Variants in TMEM223 observed in about 807,000 individuals in gnomAD.
TMEM223 encodes the protein transmembrane protein 223.
A neutral mutation model predicts 14.1 loss-of-function variants in TMEM223; 14 were observed. The observed-to-expected ratio is 0.99, with a 90% CI of 0.66 to 1.55. The LOEUF is 1.55. Ranked by LOEUF, TMEM223 falls within the 40% of genes most tolerant of loss-of-function variation. The pLI, the probability that TMEM223 is intolerant of heterozygous loss-of-function variation, is 0.00. For missense variants in TMEM223, 346 were observed against 269.9 expected (o/e 1.28, Z -1.97); for synonymous variants, 145 against 120.5 (o/e 1.20, Z -1.33).
At chr11:62,775,286 T>G (rs372516586) in intron 1 of TMEM223, among the ~76,000 whole-genome samples, 31 of 152,112 alleles carry the variant, frequency 2.0e-4, no homozygotes, top group Admixed American at 3.3e-4. Flanking sequence ...GAGAACAGCA[T>G]GGGGGAAAAT....
At chr11:62,785,148 TTGAG>T (rs1469348467), downstream of TMEM223, among the ~76,000 whole-genome samples, 3 of 151,998 alleles carry the variant, frequency 2.0e-5, no homozygotes, top group Non-Finnish European at 4.4e-5. Context: ...TATCTTTTTC[TTGAG>T]TGTCTGTAGA....
chr11:62,781,662 CAAA>C, intron 1 of TMEM223: 9 of 314,074 alleles, frequency 2.9e-5, no homozygotes, highest in Admixed American at 9.9e-5. Flanking sequence ...GACTCGGTCT[CAAA>C]AAAAAAAAAA....
chr11:62,784,710 T>C (rs2084257680), downstream of TMEM223, among the ~76,000 whole-genome samples: 2 of 152,244 alleles, frequency 1.3e-5, no homozygotes, highest in South Asian at 4.1e-4. Context: ...TTTCCAATGT[T>C]ATTACAGATT....
At chr11:62,784,763 C>G (rs2084258044), downstream of TMEM223, among the ~76,000 whole-genome samples, 1 of 152,136 alleles carries the variant, frequency 6.6e-6, no homozygotes, top group Non-Finnish European at 1.5e-5. Context: ...ATACACTAAA[C>G]TATGTCATGG....
At chr11:62,772,293 A>G (rs943434882) in intron 2 of TMEM223, among the ~76,000 whole-genome samples, 8 of 150,364 alleles carry the variant, frequency 5.3e-5, no homozygotes, top group Non-Finnish European at 8.9e-5. Flanking sequence ...AGGCCGAGGC[A>G]CCTGGATTGC....
downstream of TMEM223, chr11:62,787,933 A>G (rs544258117): frequency 4.0e-6 from 2 of 495,454 alleles, no homozygotes; most frequent in South Asian, 1.5e-5. Flanking sequence ...AAGCTGCCAC[A>G]TGATTGTAGC....
Position 62,779,952 on chromosome 11 carries a change from CTATATATATA to C in TMEM223, c.315-5297_315-5288del, listed in dbSNP as rs1225374367. 1.2e-3 allele frequency among the ~76,000 whole-genome samples: 118 copies of C among 100,056 alleles called. 1 individual carries two copies. The highest frequency in any genetic ancestry group is 5.1e-3 in the African/African-American group (114 of 22,438). 65.6% of individuals were successfully genotyped at this position (100,056 alleles called of 152,430 possible). A position where few individuals can be genotyped will look rare whatever the true frequency, so the allele number is the denominator to read the frequency against. ...AAGTGGTGGGATTACAGGCGTGAGC[CTATATATATA>C]TATATATATATATATTTTTTTTTTT... On this transcript the variant is annotated intron_variant, in intron 1 of 2. Transcript: ENST00000528367.
downstream of TMEM223, chr11:62,787,816 T>C (rs1298348639): frequency 1.5e-6 from 1 of 671,160 alleles, no homozygotes; most frequent in Non-Finnish European, 2.7e-6. Context: ...AGCCTTACTG[T>C]GGTTCCGAAA....
intron 1 of TMEM223, chr11:62,782,445 C>G: frequency 8.0e-7 from 1 of 1,245,150 alleles, no homozygotes; most frequent in South Asian, 1.4e-5. Flanking sequence ...GATGGGGAAC[C>G]TTTTCCCTAG....
At chr11:62,789,537 G>C, downstream of TMEM223, 1 of 1,574,452 alleles carries the variant, frequency 6.4e-7, no homozygotes, top group Non-Finnish European at 8.6e-7. Context: ...CAGGGCACTG[G>C]GCACAGGTGT....
At chr11:62,787,268 C>CG, downstream of TMEM223, 1 of 1,561,598 alleles carries the variant, frequency 6.4e-7, no homozygotes, top group Non-Finnish European at 8.6e-7. Context: ...TGGGCGCTCT[C>CG]GGACTACTCG....
chr11:62,776,587 A>G, intron 1 of TMEM223: 1 of 1,002,802 alleles, frequency 1.0e-6, no homozygotes, highest in South Asian at 1.4e-5. Flanking sequence ...ATGGTGGCTC[A>G]TGCCTGTAAT....
At chr11:62,786,133 CAG>C (rs1165331917), downstream of TMEM223, 3 of 1,193,282 alleles carry the variant, frequency 2.5e-6, no homozygotes, top group Non-Finnish European at 2.3e-6. Flanking sequence ...ATATGCCAAT[CAG>C]GGAATTTAGG....
intron 1 of TMEM223, chr11:62,776,410 C>A: frequency 5.0e-6 from 8 of 1,613,746 alleles, no homozygotes; most frequent in Non-Finnish European, 6.8e-6. Context: ...TGAAGCACAC[C>A]AAACGCCGGA....
At chr11:62,780,500 A>T (rs2084220673) in intron 1 of TMEM223, among the ~76,000 whole-genome samples, 1 of 150,536 alleles carries the variant, frequency 6.6e-6, no homozygotes, top group South Asian at 2.1e-4. Flanking sequence ...AACAAGAACA[A>T]AACTTCATCT....
At chr11:62,778,997 T>C in intron 1 of TMEM223, 1 of 1,558,692 alleles carries the variant, frequency 6.4e-7, no homozygotes, top group Admixed American at 1.7e-5. Flanking sequence ...GGCACAAAGT[T>C]GAAATTGTAA....
downstream of TMEM223, among the ~76,000 whole-genome samples, chr11:62,788,352 G>A (rs993446230): frequency 4.0e-5 from 6 of 151,852 alleles, no homozygotes; most frequent in Non-Finnish European, 7.4e-5. Context: ...GCAGTGAGTC[G>A]AGATCGTGCC....
intron 1 of TMEM223, among the ~76,000 whole-genome samples, chr11:62,776,876 C>G (rs2084192043): frequency 6.7e-6 from 1 of 148,926 alleles, no homozygotes; most frequent in Admixed American, 6.7e-5. Context: ...AGGCCGGGCA[C>G]AGGAGCTTAC....
chr11:62,772,556 C>G (rs1193555797), intron 2 of TMEM223, among the ~76,000 whole-genome samples: 1 of 144,140 alleles, frequency 6.9e-6, no homozygotes, highest in Non-Finnish European at 1.5e-5. Context: ...GGGCCAGGTG[C>G]GGTGGCTCTC....
Sources: allele counts gnomAD v4.1 joint callset (sites outside exome capture counted in the v4.1 genomes callset), GRCh38; gene constraint gnomAD v4.1.1; transcripts MANE v1.5; gene names NCBI Gene and HGNC (gene_info 2026-07-23, HGNC 2026-07-21).